CLOCK: variants seen among roughly 807,000 people sequenced by gnomAD.
The protein encoded by CLOCK is clock circadian regulator.
CLOCK carries 43 observed loss-of-function variants against 118.4 expected under a neutral mutation model. The observed-to-expected ratio is 0.36, with a 90% confidence interval of 0.28 to 0.47. The LOEUF (loss-of-function observed/expected upper bound fraction) is 0.47, where lower values mean the gene tolerates loss of function less well. Ranked by LOEUF, CLOCK falls within the 20% of genes least tolerant of loss-of-function variation. CLOCK has a pLI of 1.00. For synonymous variants in CLOCK, 326 were observed against 339.2 expected (o/e 0.96, Z 0.43); for missense variants, 846 against 999.9 (o/e 0.85, Z 2.08).
At chr4:55,470,937 G>C in intron 7 of CLOCK, 131 bp from the exon 8 acceptor site, 1 of 666,642 alleles carries the variant, frequency 1.5e-6, no homozygotes, top group Non-Finnish European at 2.6e-6. Flanking sequence ...TATAATACTA[G>C]CTTTCCCCCT....
chr4:55,540,071 G>A (rs1314849477), intron 1 of CLOCK, among the ~76,000 whole-genome samples: 1 of 148,748 alleles, frequency 6.7e-6, no homozygotes, highest in Non-Finnish European at 1.5e-5. Flanking sequence ...GCAATGGCGT[G>A]ATCTCTGCTC....
chr4:55,512,894 C>G (rs1729255989), intron 1 of CLOCK, among the ~76,000 whole-genome samples: 1 of 152,152 alleles, frequency 6.6e-6, no homozygotes, highest in Non-Finnish European at 1.5e-5. Flanking sequence ...AACAATGTTT[C>G]AGGACAGACC....
intron 2 of CLOCK, among the ~76,000 whole-genome samples, chr4:55,493,535 A>G (rs1727858756): frequency 6.6e-6 from 1 of 152,216 alleles, no homozygotes. Context: ...CTGATTTTGT[A>G]TTATAACTGA....
intron 8 of CLOCK, 120 bp downstream of exon 8, chr4:55,470,595 GCT>G: frequency 1.5e-6 from 1 of 675,412 alleles, no homozygotes; most frequent in Non-Finnish European, 2.7e-6. Flanking sequence ...CATACTTAGA[GCT>G]CTGATTCCTA....
intron 7 of CLOCK, among the ~76,000 whole-genome samples, chr4:55,471,924 A>C (rs1726166338): frequency 6.6e-6 from 1 of 152,162 alleles, no homozygotes; most frequent in African/African-American, 2.4e-5. Context: ...AAATTAAAAA[A>C]TTAGCCAGGT....
chr4:55,500,397 G>A (rs997528114), intron 2 of CLOCK, among the ~76,000 whole-genome samples: 5 of 152,298 alleles, frequency 3.3e-5, no homozygotes, highest in African/African-American at 9.6e-5. Context: ...AGGCTGCAGT[G>A]CAGTGGTGTG....
Position 55,461,203 on chromosome 4 carries a change from T to C in CLOCK, c.560-1942A>G, listed in dbSNP as rs151334615. Among the ~76,000 whole-genome samples the C allele has an allele frequency of 6.2e-3, 950 of 152,290 alleles. 4 individuals carry two copies. Among genetic ancestry groups the C allele is most frequent in the Non-Finnish European group, 0.011 (750 of 68,004 alleles). On this transcript the variant is annotated intron_variant, in intron 9 of 22. Coordinates refer to ENST00000513440, the MANE Select transcript of CLOCK (RefSeq NM_004898.4). ...TTGGCCTCCCAAAGTGCTGAGATTA[T>C]AGGCGTGAACAACTGTGCTCAGCCC... is the stretch of plus-strand genomic sequence containing the variant.
intron 1 of CLOCK, among the ~76,000 whole-genome samples, chr4:55,529,747 C>T (rs2110083750): frequency 6.6e-6 from 1 of 152,252 alleles, no homozygotes; most frequent in African/African-American, 2.4e-5. Flanking sequence ...ATCATTTGCC[C>T]ATTGTCATGG....
intron 4 of CLOCK, among the ~76,000 whole-genome samples, chr4:55,481,945 ATGT>A (rs1273574646): frequency 6.6e-6 from 1 of 152,168 alleles, no homozygotes; most frequent in Non-Finnish European, 1.5e-5. Context: ...TGCTTTAAAA[ATGT>A]TGTTGGATTA....
Position 55,433,039 on chromosome 4 carries a change from T to C in CLOCK, c.*2376A>G, listed in dbSNP as rs1321536153. ...CAATATAATAGTTCTTCATATCTTTTGTTAGCTAAATCCGTATCACTAGGT... is the reference window on the plus strand; with the variant it reads ...CAATATAATAGTTCTTCATATCTTTCGTTAGCTAAATCCGTATCACTAGGT... On this transcript the variant is annotated 3_prime_UTR_variant, in exon 23 of 23. Transcript: ENST00000513440. The C allele has an allele frequency of 6.6e-6, 1 of 152,626 alleles. No homozygotes were observed. The highest frequency in any genetic ancestry group is 1.5e-5 in the Non-Finnish European group (1 of 68,042). The allele number at this position is 152,626 out of a possible 1,614,324, so 9.5% of individuals were successfully genotyped here. A position where few individuals can be genotyped will look rare whatever the true frequency, so the allele number is the denominator to read the frequency against.
At chr4:55,523,371 A>T (rs1729963953) in intron 1 of CLOCK, among the ~76,000 whole-genome samples, 1 of 152,200 alleles carries the variant, frequency 6.6e-6, no homozygotes, top group Non-Finnish European at 1.5e-5. Flanking sequence ...GAGTAGCTAG[A>T]GTATCAAGTC....
chr4:55,449,121 G>C (rs1031386260), intron 17 of CLOCK, among the ~76,000 whole-genome samples: 2 of 151,628 alleles, frequency 1.3e-5, no homozygotes, highest in African/African-American at 4.9e-5. Context: ...AAGACAATTG[G>C]TATTTGAACT....
At chr4:55,503,978 T>TAAAAAAAGAAA (rs1728602161) in intron 2 of CLOCK, among the ~76,000 whole-genome samples, 2 of 71,126 alleles carry the variant, frequency 2.8e-5, no homozygotes, top group Non-Finnish European at 5.1e-5. Flanking sequence ...CAAAAAGAGG[T>TAAAAAAAGAAA]AAAAAAAAAA....
At chr4:55,506,002 T>C (rs1391658371) in intron 2 of CLOCK, among the ~76,000 whole-genome samples, 1 of 152,068 alleles carries the variant, frequency 6.6e-6, no homozygotes, top group Non-Finnish European at 1.5e-5. Context: ...ATATCTACAG[T>C]ATAGTTACCA....
chr4:55,446,169 T>C (rs537412770), intron 18 of CLOCK, among the ~76,000 whole-genome samples: 117 of 150,408 alleles, frequency 7.8e-4, no homozygotes, highest in African/African-American at 2.8e-3. Context: ...TCACAGCTTA[T>C]TGCAGCCTCA....
rs3842583 is a variant in CLOCK at position 55,510,629 on chromosome 4, TAAAAAAA to T, written c.-289-571_-289-565del. ...GCGACAGAACAAGACTCTGTCTTTT[TAAAAAAA>T]AAAAAAAAAAAAAAAAAGGTTTCCC... is the stretch of plus-strand genomic sequence containing the variant. On this transcript the variant is annotated intron_variant, in intron 1 of 22. Transcript: ENST00000513440. Among the ~76,000 whole-genome samples, 16 of 104,302 alleles carry T rather than the reference TAAAAAAA, an allele frequency of 1.5e-4. No individual in the cohort carries two copies. The South Asian group carries it at 3.4e-3, about 22-fold the overall frequency. 68.4% of individuals were successfully genotyped at this position (104,302 alleles called of 152,430 possible).
chr4:55,494,880 A>G (rs541838177), intron 2 of CLOCK, among the ~76,000 whole-genome samples: 1 of 152,180 alleles, frequency 6.6e-6, no homozygotes, highest in Non-Finnish European at 1.5e-5. Flanking sequence ...CCTTGGGTTC[A>G]GGTCAGTGAG....
At position 55,482,813 on chromosome 4, in the gene CLOCK, GA is replaced by G. The variant is rs1727022852; in HGVS notation, c.-29del. 3 of 1,571,306 alleles carry G rather than the reference GA, an allele frequency of 1.9e-6. No homozygotes were observed. Among genetic ancestry groups the G allele is most frequent in the Admixed American group, 3.4e-5 (2 of 59,110 alleles). On this transcript the variant is annotated 5_prime_UTR_variant, in exon 4 of 23. Coordinates refer to ENST00000513440, the MANE Select transcript of CLOCK (RefSeq NM_004898.4). ...CATACTACGTTTTCGTCTTGTAGTA[GA>G]CATTTGTACTTCTCCTTAGGTGAAA...
In CLOCK at chr4:55,456,304, CAAAT is replaced by C. The variant is rs1482396010; in HGVS notation, c.793-8_793-5del. 1 of 1,518,076 alleles carries C rather than the reference CAAAT, an allele frequency of 6.6e-7. No homozygotes were observed. The highest frequency in any genetic ancestry group is 9.1e-7 in the Non-Finnish European group (1 of 1,102,790). The allele number at this position is 1,518,076 out of a possible 1,614,324, so 94.0% of individuals were successfully genotyped here. On this transcript the variant is annotated splice_region_variant and splice_polypyrimidine_tract_variant and intron_variant, in intron 11 of 22. Coordinates refer to ENST00000513440, the MANE Select transcript of CLOCK (RefSeq NM_004898.4). ...GTTCTTCAACAGTGCACATTTCCTA[CAAAT>C]AAATAATTAAAATTTATAAATACTT...
Sources: gnomAD v4.1 joint callset for allele counts (sites outside exome capture counted in the v4.1 genomes callset) on GRCh38, gnomAD v4.1.1 for gene constraint, MANE v1.5 for transcripts, NCBI Gene and HGNC (gene_info 2026-07-23, HGNC 2026-07-21) for gene names.